The following FHIT variants were observed in gnomAD, a reference collection of about 807,000 sequenced individuals.
FHIT encodes fragile histidine triad diadenosine triphosphatase.
A neutral mutation model predicts 17.9 loss-of-function variants in FHIT; 19 were observed. That is an observed-to-expected ratio of 1.06 (90% CI 0.74 to 1.56). The LOEUF (loss-of-function observed/expected upper bound fraction) is 1.56. Among genes scored for constraint, FHIT ranks in the 40% most tolerant of loss-of-function variants. FHIT has a pLI of 0.00. For missense variants in FHIT, 248 were observed against 189.2 expected, an observed-to-expected ratio of 1.31 and a Z score of -1.82; for synonymous variants, 81 against 69.7, an observed-to-expected ratio of 1.16 and a Z score of -0.81.
rs190798061 is a variant in FHIT, at chr3:60,378,616, A to C, written c.103+158244T>G. Among the ~76,000 whole-genome samples the C allele has an allele frequency of 1.4e-3, 212 of 152,386 alleles. 4 individuals carry two copies. The highest frequency in any genetic ancestry group is 0.013 in the Admixed American group (192 of 15,310). ...GAAAGGAAGTATCTTTCAAAAGTAC[A>C]GAACAACCTACACAGATTTAACATG... is the stretch of plus-strand genomic sequence containing the variant. On this transcript the variant is annotated intron_variant, in intron 5 of 9. Transcript: ENST00000492590.
chr3:60,682,589 C>CAAT (rs1202598017), intron 4 of FHIT, among the ~76,000 whole-genome samples: 1 of 152,118 alleles, frequency 6.6e-6, no homozygotes, highest in Non-Finnish European at 1.5e-5. Context: ...CTCTTGAGAC[C>CAAT]TATTGCTCAG....
chr3:59,889,256 G>A (rs1043146510), intron 8 of FHIT, among the ~76,000 whole-genome samples: 5 of 152,184 alleles, frequency 3.3e-5, no homozygotes, highest in African/African-American at 1.2e-4. Flanking sequence ...GCATCAAGAG[G>A]CAGTCCAGCC....
intron 5 of FHIT, among the ~76,000 whole-genome samples, chr3:60,361,245 G>A (rs895945300): frequency 4.6e-5 from 7 of 152,182 alleles, no homozygotes; most frequent in Non-Finnish European, 8.8e-5. Context: ...ATAAAGAAGA[G>A]ATGAAACTAG....
intron 3 of FHIT, among the ~76,000 whole-genome samples, chr3:61,025,246 T>C (rs1239764139): frequency 6.6e-6 from 1 of 152,200 alleles, no homozygotes; most frequent in Non-Finnish European, 1.5e-5. Flanking sequence ...ACAGAGCGTA[T>C]TAAATTATTT....
intron 3 of FHIT, among the ~76,000 whole-genome samples, chr3:60,985,122 T>A (rs76791768): frequency 0.011 from 1,736 of 152,198 alleles, 16 homozygotes; most frequent in Non-Finnish European, 0.017. Flanking sequence ...AGCTCATGAG[T>A]ATGGCATTGA....
Position 60,199,082 on chromosome 3 carries a change from T to G in FHIT, c.104-184930A>C, listed in dbSNP as rs377723473. 9.2e-5 allele frequency among the ~76,000 whole-genome samples: 14 copies of G among 152,160 alleles called. No homozygotes were observed. In the East Asian group the frequency reaches 1.5e-3, roughly 17 times the overall value. Reference sequence around the variant, plus strand: ...AAGTGGAAAAGGCTTGGTGCTTCATTATTTCTGTGCAAAAGAAGAGCAAAT... The same window carrying G: ...AAGTGGAAAAGGCTTGGTGCTTCATGATTTCTGTGCAAAAGAAGAGCAAAT... On this transcript the variant is annotated intron_variant, in intron 5 of 9. Transcript: ENST00000492590.
chr3:60,176,440 A>G (rs1399707867), intron 5 of FHIT, among the ~76,000 whole-genome samples: 1 of 152,200 alleles, frequency 6.6e-6, no homozygotes, highest in Non-Finnish European at 1.5e-5. Context: ...AAGAATATAG[A>G]AATACTCTCT....
intron 2 of FHIT, among the ~76,000 whole-genome samples, chr3:61,083,748 G>A (rs2035221291): frequency 6.6e-6 from 1 of 152,136 alleles, no homozygotes; most frequent in South Asian, 2.1e-4. Flanking sequence ...TATATGATAT[G>A]TGTTTTTTTT....
chr3:60,735,843 A>G (rs1363213512), intron 4 of FHIT, among the ~76,000 whole-genome samples: 2 of 152,232 alleles, frequency 1.3e-5, no homozygotes, highest in East Asian at 1.9e-4. Flanking sequence ...AGCTTATTTT[A>G]TTACTAGGTA....
chr3:60,662,195 C>G (rs1456974666), intron 4 of FHIT, among the ~76,000 whole-genome samples: 1 of 152,154 alleles, frequency 6.6e-6, no homozygotes, highest in African/African-American at 2.4e-5. Flanking sequence ...AGTCTTTGAA[C>G]CATCTTGAGT....
chr3:60,416,822 G>C (rs1246551988), intron 5 of FHIT, among the ~76,000 whole-genome samples: 4 of 152,162 alleles, frequency 2.6e-5, no homozygotes, highest in African/African-American at 9.6e-5. Context: ...TGCGGCAGCT[G>C]ATGCCTGTAA....
chr3:60,168,148 T>C (rs1184402769), intron 5 of FHIT, among the ~76,000 whole-genome samples: 2 of 152,190 alleles, frequency 1.3e-5, no homozygotes, highest in Non-Finnish European at 2.9e-5. Flanking sequence ...CAAAAACTCC[T>C]AGTCAGTACA....
At chr3:60,753,264 A>G (rs1458573373) in intron 4 of FHIT, among the ~76,000 whole-genome samples, 19 of 152,256 alleles carry the variant, frequency 1.2e-4, no homozygotes, top group African/African-American at 4.6e-4. Context: ...TATTAAAAAA[A>G]TAAAGCTGTG....
chr3:60,846,739 C>T (rs1553746611), intron 3 of FHIT, among the ~76,000 whole-genome samples: 2 of 152,128 alleles, frequency 1.3e-5, no homozygotes, highest in Non-Finnish European at 2.9e-5. Flanking sequence ...GGGCTTATTC[C>T]ACTGTTTTAA....
intron 3 of FHIT, among the ~76,000 whole-genome samples, chr3:60,907,919 C>T (rs1292172583): frequency 6.6e-6 from 1 of 152,158 alleles, no homozygotes; most frequent in African/African-American, 2.4e-5. Flanking sequence ...AAATGGAAAC[C>T]TATAGAAGTA....
intron 4 of FHIT, among the ~76,000 whole-genome samples, chr3:60,639,224 G>A (rs1278515301): frequency 6.6e-6 from 1 of 151,814 alleles, no homozygotes; most frequent in African/African-American, 2.4e-5. Context: ...GCTAGAGAGA[G>A]AAGTTTGGAA....
rs865820317 is a variant in FHIT at position 61,174,224 on chromosome 3, A to G, written c.-164+26393T>C. Among the ~76,000 whole-genome samples, 3 of 152,312 alleles carry G rather than the reference A, an allele frequency of 2.0e-5. No homozygotes were observed. The Middle Eastern group carries it at 0.01, about 518-fold the overall frequency. ...AAGTAACATAAAAACTGATTAGGAA[A>G]CTCAAGATCTTGCACTACATATAAA... On this transcript the variant is annotated intron_variant, in intron 2 of 9. Coordinates refer to ENST00000492590, the MANE Select transcript of FHIT (RefSeq NM_002012.4).
chr3:60,174,314 C>T (rs963970346), intron 5 of FHIT, among the ~76,000 whole-genome samples: 13 of 152,014 alleles, frequency 8.6e-5, no homozygotes, highest in African/African-American at 3.1e-4. Context: ...CCACCCAAGC[C>T]CCTTGGCCTT....
At position 61,049,387 on chromosome 3, in the gene FHIT, C is replaced by T. The variant is rs142302552; in HGVS notation, c.-163-7288G>A. The stretch of plus-strand genomic sequence containing the variant: ...TTTTATAGATCTCCATGAATAAATG[C>T]AGGAGAAATGACACAACTAGAAAAC... On this transcript the variant is annotated intron_variant, in intron 2 of 9. Coordinates refer to ENST00000492590, the MANE Select transcript of FHIT (RefSeq NM_002012.4). Among the ~76,000 whole-genome samples, 398 of 151,832 alleles carry T rather than the reference C, an allele frequency of 2.6e-3. 3 individuals carry two copies. Among genetic ancestry groups the T allele is most frequent in the African/African-American group, 8.9e-3 (370 of 41,394 alleles).
Sources: gnomAD v4.1 joint callset for allele counts (sites outside exome capture counted in the v4.1 genomes callset) on GRCh38, gnomAD v4.1.1 for gene constraint, MANE v1.5 for transcripts, NCBI Gene and HGNC (gene_info 2026-07-23, HGNC 2026-07-21) for gene names.